Variants in TENM1 observed in about 807,000 individuals in gnomAD.
TENM1 encodes the protein teneurin-1.
Under a neutral mutation model 174.8 loss-of-function variants are expected in TENM1, and 35 were observed. The observed-to-expected ratio is 0.20, with a 90% CI of 0.15 to 0.27. The LOEUF is 0.27. Among genes scored for constraint, TENM1 ranks in the 10% least tolerant of loss-of-function variants. TENM1 has a pLI of 1.00. For missense variants in TENM1, 1,633 were observed against 2,130.1 expected (o/e 0.77, Z 4.59); for synonymous variants, 781 against 798.7 (o/e 0.98, Z 0.37).
intron 4 of TENM1, among the ~76,000 whole-genome samples, chrX:124,729,368 C>G: frequency 8.9e-6 from 1 of 111,909 alleles, no homozygotes; most frequent in Middle Eastern, 4.6e-3. Context: ...TGAAAACAGC[C>G]CCATGAGGTA....
At chrX:124,908,153 T>C (rs2057778598) in intron 1 of TENM1, among the ~76,000 whole-genome samples, 1 of 112,076 alleles carries the variant, frequency 8.9e-6, no homozygotes, top group South Asian at 3.7e-4. Flanking sequence ...AACATGAATT[T>C]AGCATCTTCT....
chrX:124,757,650 T>C (rs1411135168), intron 3 of TENM1, among the ~76,000 whole-genome samples: 1 of 112,311 alleles, frequency 8.9e-6, no homozygotes, highest in African/African-American at 3.2e-5. Context: ...CTCAGTATAA[T>C]AGTTCTAATG....
At chrX:125,199,054 A>G in the TENM1 span, among the ~76,000 whole-genome samples, 1 of 111,730 alleles carries the variant, frequency 9.0e-6, no homozygotes, top group Non-Finnish European at 1.9e-5. Flanking sequence ...TGGGCATTTT[A>G]TAGTAACCCA....
chrX:124,632,289 A>C (rs974029553), intron 11 of TENM1, among the ~76,000 whole-genome samples: 4 of 110,841 alleles, frequency 3.6e-5, no homozygotes, highest in Admixed American at 9.6e-5. Context: ...CAATAAAGTA[A>C]CTTGCCCTGC....
At chrX:125,054,489 G>A in the TENM1 span, among the ~76,000 whole-genome samples, 1 of 110,867 alleles carries the variant, frequency 9.0e-6, no homozygotes, top group South Asian at 3.9e-4. Flanking sequence ...ATACATTTAA[G>A]TCTGTCCAAA....
At chrX:125,032,675 T>C in the TENM1 span, among the ~76,000 whole-genome samples, 5 of 111,078 alleles carry the variant, frequency 4.5e-5, no homozygotes, top group African/African-American at 9.8e-5. Context: ...CTCCAAACAG[T>C]GTTTTATTAT....
At chrX:125,196,197 CAA>C in the TENM1 span, among the ~76,000 whole-genome samples, 23 of 110,550 alleles carry the variant, frequency 2.1e-4, no homozygotes, top group African/African-American at 7.5e-4. Flanking sequence ...CTATCTTCCC[CAA>C]AAAAGTTTCT....
Position 124,451,280 on chromosome X carries a change from T to TA in TENM1, c.4104+2056dup, listed in dbSNP as rs368106065. Among the ~76,000 whole-genome samples, 379 of 108,006 alleles carry TA rather than the reference T, an allele frequency of 3.5e-3. 1 individual carries two copies. Among genetic ancestry groups the TA allele is most frequent in the Non-Finnish European group, 5.5e-3 (287 of 52,282 alleles). The allele number at this position is 108,006 out of a possible 115,157, so 93.8% of individuals were successfully genotyped here. On this transcript the variant is annotated intron_variant, in intron 23 of 31. Transcript: ENST00000422452. ...GAATTTTCTTTTATCCTCACTGGCC[T>TA]AAAAAAAAAACCAAAAAAACACAGA...
At chrX:125,112,720 A>G in the TENM1 span, among the ~76,000 whole-genome samples, 8 of 111,838 alleles carry the variant, frequency 7.2e-5, no homozygotes, top group East Asian at 1.9e-3. Context: ...TTTAATTTTT[A>G]AAAATTTGTT....
At chrX:124,492,855 TC>T (rs1277154721) in intron 20 of TENM1, among the ~76,000 whole-genome samples, 1 of 110,193 alleles carries the variant, frequency 9.1e-6, no homozygotes, top group Non-Finnish European at 1.9e-5. Context: ...AAAAATGCGA[TC>T]CCTTAAATCA....
intron 3 of TENM1, among the ~76,000 whole-genome samples, chrX:124,742,804 A>G (rs924367882): frequency 9.1e-6 from 1 of 110,293 alleles, no homozygotes; most frequent in Non-Finnish European, 1.9e-5. Flanking sequence ...TCTGAAGACC[A>G]TATAATCTAC....
the TENM1 span, among the ~76,000 whole-genome samples, chrX:125,052,833 G>GGGAACAACA: frequency 8.9e-6 from 1 of 111,871 alleles, no homozygotes; most frequent in African/African-American, 3.2e-5. Context: ...TGAAATTGTT[G>GGGAACAACA]TTCCCTAAAG....
intron 3 of TENM1, among the ~76,000 whole-genome samples, chrX:124,848,085 G>A (rs2056645192): frequency 1.8e-5 from 2 of 110,607 alleles, no homozygotes; most frequent in East Asian, 2.8e-4. Context: ...TTAATAACAC[G>A]CATTATCAAC....
At chrX:124,828,840 C>CA (rs2056226734) in intron 3 of TENM1, among the ~76,000 whole-genome samples, 1 of 112,075 alleles carries the variant, frequency 8.9e-6, no homozygotes, top group Non-Finnish European at 1.9e-5. Context: ...AAGAAAGATG[C>CA]AAAATGCATC....
chrX:125,174,800 A>G, the TENM1 span, among the ~76,000 whole-genome samples: 1 of 111,364 alleles, frequency 9.0e-6, no homozygotes, highest in Non-Finnish European at 1.9e-5. Flanking sequence ...GTAACAAATG[A>G]AGACTCAAGG....
chrX:124,461,410 A>G (rs5911858), intron 22 of TENM1, among the ~76,000 whole-genome samples: 24,364 of 110,921 alleles, frequency 0.22, 2,060 homozygotes, highest in African/African-American at 0.25. Flanking sequence ...ATATATAGAA[A>G]ATAACGGAAA....
chrX:124,514,733 C>T (rs1469152310), intron 18 of TENM1, among the ~76,000 whole-genome samples: 1 of 110,520 alleles, frequency 9.0e-6, no homozygotes, highest in Non-Finnish European at 1.9e-5. Context: ...AACAAAAACC[C>T]CAGGACCAGG....
intron 15 of TENM1, among the ~76,000 whole-genome samples, chrX:124,541,338 C>T (rs1036057115): frequency 8.9e-5 from 10 of 112,220 alleles, no homozygotes; most frequent in African/African-American, 2.6e-4. Flanking sequence ...ATGGATTTCT[C>T]GTGAATGGTT....
At chrX:124,785,096 T>C (rs2055004761) in intron 3 of TENM1, among the ~76,000 whole-genome samples, 1 of 111,478 alleles carries the variant, frequency 9.0e-6, no homozygotes, top group Admixed American at 9.6e-5. Context: ...ATGAAAGTCC[T>C]CCCAAATTTA....
Sources: allele counts gnomAD v4.1 joint callset (sites outside exome capture counted in the v4.1 genomes callset), GRCh38; gene constraint gnomAD v4.1.1; transcripts MANE v1.5; gene names NCBI Gene and HGNC (gene_info 2026-07-23, HGNC 2026-07-21).